GATB: variants seen among roughly 807,000 people sequenced by gnomAD.
GATB encodes glutamyl-tRNA(Gln) amidotransferase subunit B, mitochondrial.
A neutral mutation model predicts 62.3 loss-of-function variants in GATB; 39 were observed. That is an observed-to-expected ratio of 0.63 (90% confidence interval 0.48 to 0.82). GATB has a LOEUF of 0.82. GATB is among the 40% of genes least tolerant of loss of function. The probability of loss-of-function intolerance (pLI) is 0.00; values close to 1 mark genes in which losing one functional copy is unlikely to be tolerated. For missense variants in GATB, 670 were observed against 684.0 expected, an observed-to-expected ratio of 0.98 and a Z score of 0.23; for synonymous variants, 276 against 258.9, an observed-to-expected ratio of 1.07 and a Z score of -0.63.
chr4:151,676,495 C>G (rs1738008274), intron 11 of GATB: 1 of 152,214 alleles, frequency 6.6e-6, no homozygotes, highest in South Asian at 2.1e-4. Context: ...CATGACTAAC[C>G]AGCTGTCTGG....
chr4:151,742,590 G>A (rs894381606), intron 2 of GATB, among the ~76,000 whole-genome samples: 1 of 152,208 alleles, frequency 6.6e-6, no homozygotes, highest in African/African-American at 2.4e-5. Context: ...TCTGCCCTAA[G>A]AATTGATAGT....
At chr4:151,692,127 C>T (rs891945111) in intron 9 of GATB, among the ~76,000 whole-genome samples, 7 of 152,206 alleles carry the variant, frequency 4.6e-5, no homozygotes, top group African/African-American at 1.2e-4. Flanking sequence ...TCCACATTAC[C>T]TCAATTCATC....
At chr4:151,719,588 T>C (rs777266403) in intron 2 of GATB, 50 bp from the exon 3 acceptor site, 2 of 1,261,540 alleles carry the variant, frequency 1.6e-6, no homozygotes, top group Non-Finnish European at 2.2e-6. Flanking sequence ...GCTGAACAAA[T>C]GCTTCTCCCA....
chr4:151,755,791 C>A (rs999457444), intron 2 of GATB, among the ~76,000 whole-genome samples: 11 of 152,164 alleles, frequency 7.2e-5, no homozygotes, highest in African/African-American at 2.7e-4. Flanking sequence ...CTTCTTCTTA[C>A]ATATATTTTC....
At chr4:151,686,517 T>G (rs931410071) in intron 10 of GATB, among the ~76,000 whole-genome samples, 4 of 151,936 alleles carry the variant, frequency 2.6e-5, no homozygotes, top group African/African-American at 9.7e-5. Context: ...CCCGGGACCT[T>G]GCAAGGGCCC....
chr4:151,673,193 G>C, intron 11 of GATB: 1 of 260,178 alleles, frequency 3.8e-6, no homozygotes, highest in Non-Finnish European at 7.4e-6. Context: ...AGAGGACTCG[G>C]GCCAGCCAGA....
chr4:151,743,209 C>T (rs926069951), intron 2 of GATB, among the ~76,000 whole-genome samples: 3 of 152,218 alleles, frequency 2.0e-5, no homozygotes, highest in Non-Finnish European at 2.9e-5. Context: ...CAGCTAAGAG[C>T]TGCCCATAGA....
chr4:151,691,291 T>C (rs1017802525), intron 9 of GATB, among the ~76,000 whole-genome samples: 10 of 151,574 alleles, frequency 6.6e-5, no homozygotes, highest in African/African-American at 2.4e-4. Flanking sequence ...ACACAGAGAG[T>C]CAAGTTCCCT....
intron 9 of GATB, among the ~76,000 whole-genome samples, chr4:151,699,697 C>T (rs1174830625): frequency 6.6e-6 from 1 of 152,162 alleles, no homozygotes; most frequent in Non-Finnish European, 1.5e-5. Context: ...GGCACAGATT[C>T]TCATACAGTG....
chr4:151,749,823 C>A (rs1323301828), intron 2 of GATB, among the ~76,000 whole-genome samples: 2 of 152,022 alleles, frequency 1.3e-5, no homozygotes, highest in Non-Finnish European at 2.9e-5. Context: ...TTCTTAGGAA[C>A]CTTATTCTAT....
intron 10 of GATB, among the ~76,000 whole-genome samples, chr4:151,681,892 A>G (rs1738145636): frequency 6.6e-6 from 1 of 152,124 alleles, no homozygotes; most frequent in African/African-American, 2.4e-5. Context: ...TGCTAATCCC[A>G]TTCATAAAAG....
At chr4:151,740,409 T>C (rs954177411) in intron 2 of GATB, among the ~76,000 whole-genome samples, 12 of 152,218 alleles carry the variant, frequency 7.9e-5, no homozygotes, top group Non-Finnish European at 1.3e-4. Context: ...CTGTACAGCA[T>C]GTTATGTACT....
At chr4:151,688,163 C>G (rs901125819) in intron 10 of GATB, among the ~76,000 whole-genome samples, 1 of 152,144 alleles carries the variant, frequency 6.6e-6, no homozygotes, top group Non-Finnish European at 1.5e-5. Flanking sequence ...TGATCTGTCC[C>G]TCCCACTGCA....
At chr4:151,700,981 C>T (rs2126968487) in intron 9 of GATB, among the ~76,000 whole-genome samples, 1 of 152,214 alleles carries the variant, frequency 6.6e-6, no homozygotes. Flanking sequence ...AAACCCTATA[C>T]ATTGATTTTC....
intron 9 of GATB, among the ~76,000 whole-genome samples, chr4:151,697,979 A>ATATGTG (rs1738520630): frequency 3.0e-5 from 4 of 132,604 alleles, no homozygotes; most frequent in African/African-American, 1.2e-4. Flanking sequence ...ATATATATAT[A>ATATGTG]TATATATATA....
intron 9 of GATB, 109 bp from the exon 10 acceptor site, chr4:151,688,872 CT>C: frequency 9.3e-7 from 1 of 1,077,344 alleles, no homozygotes; most frequent in East Asian, 2.4e-5. Context: ...GAGACAGCCA[CT>C]TTTTCTTTGC....
chr4:151,729,273 C>T (rs1364491890), intron 2 of GATB, among the ~76,000 whole-genome samples: 1 of 150,992 alleles, frequency 6.6e-6, no homozygotes. Context: ...TCAAAACTGT[C>T]AATGTCATGA....
chr4:151,671,310 G>T lies in GATB; in HGVS notation c.1546-8C>A. 1.3e-6 allele frequency: 2 copies of T among 1,558,748 alleles called. No individual in the cohort carries two copies. The highest frequency in any genetic ancestry group is 1.7e-6 in the Non-Finnish European group (2 of 1,164,924). On this transcript the variant is annotated splice_polypyrimidine_tract_variant and splice_region_variant and intron_variant, in intron 12 of 12. Coordinates refer to ENST00000263985, the MANE Select transcript of GATB (RefSeq NM_004564.3). Reference sequence around the variant, plus strand: ...GTTCTTCACATCCATTACCTAGAAGGACAGAAATTACTTACTTAAGAGGAG... The same window carrying T: ...GTTCTTCACATCCATTACCTAGAAGTACAGAAATTACTTACTTAAGAGGAG...
chr4:151,735,995 C>G (rs1448787423), intron 2 of GATB, among the ~76,000 whole-genome samples: 1 of 151,710 alleles, frequency 6.6e-6, no homozygotes, highest in South Asian at 2.1e-4. Flanking sequence ...AACCAAATAC[C>G]ACTTGTACCC....
Sources: allele counts gnomAD v4.1 joint callset (sites outside exome capture counted in the v4.1 genomes callset), GRCh38; gene constraint gnomAD v4.1.1; transcripts MANE v1.5; gene names NCBI Gene and HGNC (gene_info 2026-07-23, HGNC 2026-07-21).